The following CYB5R4 variants were observed in gnomAD, a reference collection of about 807,000 sequenced individuals.
CYB5R4 encodes the protein N-terminal cytochrome b5 and cytochrome b5 oxidoreductase domain-containing protein.
Under a neutral mutation model 70.2 loss-of-function variants are expected in CYB5R4, and 55 were observed. The observed-to-expected ratio is 0.78, with a 90% CI of 0.63 to 0.98. The LOEUF (loss-of-function observed/expected upper bound fraction) is 0.98. Ranked by LOEUF, CYB5R4 falls within the 50% of genes least tolerant of loss-of-function variation. CYB5R4 has a pLI of 0.00. For synonymous variants in CYB5R4, 197 were observed against 199.5 expected, an observed-to-expected ratio of 0.99 and a Z score of 0.11; for missense variants, 562 against 612.6, an observed-to-expected ratio of 0.92 and a Z score of 0.87.
chr6:83,895,937 C>G (rs1188286323), intron 3 of CYB5R4, among the ~76,000 whole-genome samples: 6 of 152,154 alleles, frequency 3.9e-5, no homozygotes, highest in Non-Finnish European at 7.4e-5. Flanking sequence ...TGTCCTATTT[C>G]TGTTTTTATC....
At chr6:83,868,858 A>G (rs2099457136) in intron 2 of CYB5R4, among the ~76,000 whole-genome samples, 1 of 152,210 alleles carries the variant, frequency 6.6e-6, no homozygotes, top group South Asian at 2.1e-4. Flanking sequence ...TGAAATCATC[A>G]TTTGGGCAGC....
intron 3 of CYB5R4, among the ~76,000 whole-genome samples, chr6:83,901,145 T>G (rs981877178): frequency 2.0e-5 from 3 of 152,164 alleles, no homozygotes; most frequent in Non-Finnish European, 2.9e-5. Flanking sequence ...AGGAGCTCTT[T>G]TAGGGCAGGC....
intron 7 of CYB5R4, among the ~76,000 whole-genome samples, 190 bp downstream of exon 7, chr6:83,919,644 C>T (rs985368009): frequency 2.6e-5 from 4 of 152,134 alleles, no homozygotes; most frequent in African/African-American, 9.7e-5. Context: ...AAGTTACACA[C>T]TGAGTGGCAG....
intron 3 of CYB5R4, among the ~76,000 whole-genome samples, chr6:83,901,880 A>G (rs1030823490): frequency 1.3e-5 from 2 of 150,848 alleles, no homozygotes; most frequent in African/African-American, 4.9e-5. Context: ...TAATGGGATT[A>G]CTTTTTTTTT....
chr6:83,919,921 AC>A (rs1446432094), intron 7 of CYB5R4, among the ~76,000 whole-genome samples: 4 of 152,064 alleles, frequency 2.6e-5, no homozygotes, highest in Non-Finnish European at 5.9e-5. Flanking sequence ...TGTTTAAACC[AC>A]TAATGGTGTT....
chr6:83,914,584 C>G lies in CYB5R4; in HGVS notation c.445+136C>G, dbSNP rs972450929. ...ATGGAGTATTGCTTTGTCACCCAGG[C>G]TGGAGTGCAGTGGCACCATCTCAGC... On this transcript the variant is annotated intron_variant, in intron 5 of 15. Transcript: ENST00000369681. 1.0e-4 allele frequency: 76 copies of G among 737,746 alleles called. No individual in the cohort carries two copies. In the African/African-American group the frequency reaches 1.2e-3, roughly 11 times the overall value. 45.7% of individuals were successfully genotyped at this position (737,746 alleles called of 1,614,324 possible).
chr6:83,874,830 TA>T (rs1238183290), intron 2 of CYB5R4, among the ~76,000 whole-genome samples: 4 of 151,470 alleles, frequency 2.6e-5, no homozygotes, highest in Admixed American at 2.0e-4. Flanking sequence ...TTTTTATTTT[TA>T]TTTTTTTTTT....
At position 83,885,112 on chromosome 6, in the gene CYB5R4, C is replaced by T. The variant is rs143213437; in HGVS notation, c.230-8410C>T. On this transcript the variant is annotated intron_variant, in intron 2 of 15. Coordinates refer to ENST00000369681, the MANE Select transcript of CYB5R4 (RefSeq NM_016230.4). ...AAAATAATTTTACAAATAATGAGCC[C>T]ACTATATGTTATAAATAGTACCTAT... Among the ~76,000 whole-genome samples the T allele has an allele frequency of 2.2e-3, 334 of 152,004 alleles. 2 individuals carry two copies. The highest frequency in any genetic ancestry group is 7.6e-3 in the African/African-American group (317 of 41,492).
intron 10 of CYB5R4, among the ~76,000 whole-genome samples, chr6:83,927,880 G>A (rs1173066678): frequency 6.6e-6 from 1 of 152,106 alleles, no homozygotes; most frequent in Non-Finnish European, 1.5e-5. Flanking sequence ...GGTTTCCCAG[G>A]CAGACAGGTC....
In CYB5R4 at chr6:83,961,855, C is replaced by A. The variant is rs892248495; in HGVS notation, c.*1977C>A. On this transcript the variant is annotated 3_prime_UTR_variant, in exon 16 of 16. Coordinates refer to ENST00000369681, the MANE Select transcript of CYB5R4 (RefSeq NM_016230.4). ...TCGCTATATGTAATGCTTCCTCATTCCTCCTTTTATGTTTTATATTTTTGT... is the reference window on the plus strand; with the variant it reads ...TCGCTATATGTAATGCTTCCTCATTACTCCTTTTATGTTTTATATTTTTGT... 6.6e-6 allele frequency: 1 copy of A among 150,998 alleles called. No individual in the cohort carries two copies. Among genetic ancestry groups the A allele is most frequent in the African/African-American group, 2.4e-5 (1 of 41,234 alleles). The allele number at this position is 150,998 out of a possible 1,614,324, so 9.4% of individuals were successfully genotyped here. A position where few individuals can be genotyped will look rare whatever the true frequency, so the allele number is the denominator to read the frequency against.
At chr6:83,909,543 T>C (rs2099464349) in intron 4 of CYB5R4, among the ~76,000 whole-genome samples, 1 of 152,162 alleles carries the variant, frequency 6.6e-6, no homozygotes, top group Admixed American at 6.5e-5. Flanking sequence ...TTCTTCCCCC[T>C]AGCTCTGAGA....
At chr6:83,952,838 C>T (rs531404293) in intron 14 of CYB5R4, among the ~76,000 whole-genome samples, 1 of 152,136 alleles carries the variant, frequency 6.6e-6, no homozygotes, top group Non-Finnish European at 1.5e-5. Flanking sequence ...GTAGTGCTGA[C>T]AGGCTCTGTG....
chr6:83,926,302 A>G (rs1370563793), intron 10 of CYB5R4: 2 of 152,158 alleles, frequency 1.3e-5, no homozygotes, highest in Non-Finnish European at 2.9e-5. Context: ...CATGTGGGGA[A>G]GAAGGCTGGG....
At chr6:83,890,994 G>A (rs2099461035) in intron 2 of CYB5R4, among the ~76,000 whole-genome samples, 2 of 152,104 alleles carry the variant, frequency 1.3e-5, no homozygotes, top group South Asian at 2.1e-4. Context: ...TCTGGCTGGA[G>A]TGCAGTGGCA....
At chr6:83,896,985 G>A (rs1199560645) in intron 3 of CYB5R4, among the ~76,000 whole-genome samples, 1 of 151,534 alleles carries the variant, frequency 6.6e-6, no homozygotes, top group Non-Finnish European at 1.5e-5. Flanking sequence ...ATGTATACGT[G>A]TGCCATTTTG....
chr6:83,945,086 C>A (rs1166697431), intron 14 of CYB5R4, among the ~76,000 whole-genome samples: 1 of 152,186 alleles, frequency 6.6e-6, no homozygotes, highest in African/African-American at 2.4e-5. Flanking sequence ...TAATAGACAT[C>A]TATGGAACTC....
chr6:83,902,308 T>A (rs2099463107), intron 3 of CYB5R4, among the ~76,000 whole-genome samples: 1 of 152,172 alleles, frequency 6.6e-6, no homozygotes, highest in African/African-American at 2.4e-5. Flanking sequence ...CTTGACGTCA[T>A]TGTTGAAAAT....
At chr6:83,940,822 T>C (rs1476896514) in intron 14 of CYB5R4, among the ~76,000 whole-genome samples, 3 of 152,176 alleles carry the variant, frequency 2.0e-5, no homozygotes, top group Non-Finnish European at 4.4e-5. Context: ...GTCACTAAGA[T>C]GCATATTGGG....
At chr6:83,906,600 C>G (rs1354435309) in intron 3 of CYB5R4, among the ~76,000 whole-genome samples, 1 of 152,126 alleles carries the variant, frequency 6.6e-6, no homozygotes, top group East Asian at 1.9e-4. Context: ...CCAGCTGATC[C>G]CAGCCCTGTA....
Sources: allele counts gnomAD v4.1 joint callset (sites outside exome capture counted in the v4.1 genomes callset), GRCh38; gene constraint gnomAD v4.1.1; transcripts MANE v1.5; gene names NCBI Gene and HGNC (gene_info 2026-07-23, HGNC 2026-07-21).